SP1: variants seen among roughly 807,000 people sequenced by gnomAD.
The protein encoded by SP1 is transcription factor Sp1.
SP1 carries 6 observed loss-of-function variants against 66.3 expected under a neutral mutation model. The ratio of observed to expected loss-of-function variants is 0.09; its 90% CI spans 0.05 to 0.18. SP1 has a LOEUF of 0.18. Among genes scored for constraint, SP1 ranks in the 10% least tolerant of loss-of-function variants. The pLI is 1.00. For synonymous variants in SP1, 417 were observed against 360.8 expected, an observed-to-expected ratio of 1.16 and a Z score of -1.77; for missense variants, 848 against 964.5, an observed-to-expected ratio of 0.88 and a Z score of 1.60.
At chr12:53,396,441 G>A (rs561656200) in intron 3 of SP1, among the ~76,000 whole-genome samples, 1 of 150,976 alleles carries the variant, frequency 6.6e-6, no homozygotes, top group Non-Finnish European at 1.5e-5. Context: ...GGTGATGTGC[G>A]CCTGTAATCT....
rs1938136765 is a variant in SP1, at chr12:53,382,790, T to C, written c.843T>C (p.Ser281=). The C allele has an allele frequency of 6.2e-7, 1 of 1,614,158 alleles. No homozygotes were observed. Among genetic ancestry groups the C allele is most frequent in the East Asian group, 2.2e-5 (1 of 44,888 alleles). Residue 281 remains serine, a synonymous_variant, in exon 3 of 6, where the codon TCT becomes TCC. Transcript: ENST00000327443. The part of the protein sequence containing the change: ...SVSAATLTPS[S]QAVTISSSGS... ...CTGCAGCTACCTTGACTCCCAGCTC[T>C]CAGGCAGTCACGATCAGCAGCTCTG...
intron 3 of SP1, among the ~76,000 whole-genome samples, chr12:53,405,718 G>C (rs1938718736): frequency 6.6e-6 from 1 of 151,758 alleles, no homozygotes; most frequent in Non-Finnish European, 1.5e-5. Context: ...AAGGAGGGAG[G>C]GAGGGAAGGA....
chr12:53,387,700 A>G (rs1346715288), intron 3 of SP1, among the ~76,000 whole-genome samples: 1 of 152,114 alleles, frequency 6.6e-6, no homozygotes, highest in Non-Finnish European at 1.5e-5. Context: ...TTAAAAATGT[A>G]TTCGAGCCAG....
intron 3 of SP1, among the ~76,000 whole-genome samples, chr12:53,404,194 C>A (rs2136914161): frequency 6.7e-6 from 1 of 150,208 alleles, no homozygotes; most frequent in East Asian, 2.0e-4. Flanking sequence ...GGAAAGAAGT[C>A]TTGAGAAGAA....
Position 53,383,189 on chromosome 12 carries a change from C to T in SP1, c.1242C>T (p.Ala414=). 6.2e-7 allele frequency: 1 copy of T among 1,614,164 alleles called. No individual in the cohort carries two copies. The highest frequency in any genetic ancestry group is 8.5e-7 in the Non-Finnish European group (1 of 1,180,028). The stretch of plus-strand genomic sequence containing the variant: ...TTCAAGGGGGACAGGCCCTCCAGGC[C>T]CTCCAAGCAGCACCATTGTCAGGGC... ...QLVQGGQALQ[A]LQAAPLSGQT... The change falls in exon 3 of 6, where the codon GCC becomes GCT. Residue 414 remains alanine, a synonymous_variant. Transcript: ENST00000327443.
At chr12:53,399,419 C>T (rs560500704) in intron 3 of SP1, among the ~76,000 whole-genome samples, 23 of 151,988 alleles carry the variant, frequency 1.5e-4, no homozygotes, top group African/African-American at 3.1e-4. Flanking sequence ...CTGCAAGCTC[C>T]GCCTCGCGAG....
rs1322278838 is a variant in SP1 at position 53,414,551 on chromosome 12, A to G, written c.*3311A>G. ...TTGGAGACAAAAGCTGTAAATTACT[A>G]TGGCTGATTTATTTCTACTATATAC... On this transcript the variant is annotated 3_prime_UTR_variant, in exon 6 of 6. Coordinates refer to ENST00000327443, the MANE Select transcript of SP1 (RefSeq NM_138473.3). 6.6e-6 allele frequency: 1 copy of G among 152,604 alleles called. No homozygotes were observed. The highest frequency in any genetic ancestry group is 2.4e-5 in the African/African-American group (1 of 41,458). The allele number at this position is 152,604 out of a possible 1,614,324, so 9.5% of individuals were successfully genotyped here.
chr12:53,396,826 T>A (rs924989163), intron 3 of SP1, among the ~76,000 whole-genome samples: 2 of 152,008 alleles, frequency 1.3e-5, no homozygotes, highest in African/African-American at 4.8e-5. Flanking sequence ...TTTTTTAGAG[T>A]GTGAACATGG....
rs189544085 is a variant in SP1, at chr12:53,384,468, A to G, written c.1675+846A>G. The stretch of plus-strand genomic sequence containing the variant: ...CCCAGCTAATCTTTGTATTTTTAGT[A>G]GAGACAAGGTTTTGCTATGTTGGCC... On this transcript the variant is annotated intron_variant, in intron 3 of 5. Coordinates refer to ENST00000327443, the MANE Select transcript of SP1 (RefSeq NM_138473.3). 7.3e-5 allele frequency among the ~76,000 whole-genome samples: 11 copies of G among 151,336 alleles called. 1 individual carries two copies. The East Asian group carries it at 2.1e-3, about 29-fold the overall frequency.
Position 53,380,255 on chromosome 12 carries a change from G to C in SP1, c.-37G>C, listed in dbSNP as rs1429607558. The C allele has an allele frequency of 4.9e-6, 4 of 809,452 alleles. No individual in the cohort carries two copies. The highest frequency in any genetic ancestry group is 8.1e-6 in the Non-Finnish European group (4 of 496,514). The allele number at this position is 809,452 out of a possible 1,614,324, so 50.1% of individuals were successfully genotyped here. ...TTCCCGGCCCCCCCCAACCCCCCCG[G>C]ACAGGACCCCCTTGAGCTTGTCCCT... On this transcript the variant is annotated 5_prime_UTR_variant, in exon 1 of 6. Coordinates refer to ENST00000327443, the MANE Select transcript of SP1 (RefSeq NM_138473.3).
chr12:53,396,435 A>G (rs1938491904), intron 3 of SP1, among the ~76,000 whole-genome samples: 1 of 150,570 alleles, frequency 6.6e-6, no homozygotes, highest in Non-Finnish European at 1.5e-5. Context: ...GGGCATGGTG[A>G]TGTGCGCCTG....
intron 3 of SP1, among the ~76,000 whole-genome samples, chr12:53,387,811 G>A (rs949367179): frequency 9.2e-5 from 14 of 151,856 alleles, no homozygotes; most frequent in Admixed American, 6.6e-4. Flanking sequence ...TGGTGAAACC[G>A]CATCTCTACT....
At chr12:53,404,567 T>C (rs998997363) in intron 3 of SP1, among the ~76,000 whole-genome samples, 2 of 151,796 alleles carry the variant, frequency 1.3e-5, no homozygotes, top group African/African-American at 2.4e-5. Flanking sequence ...AAGAATATTA[T>C]CTGTCACTTT....
At chr12:53,405,167 C>CA in intron 3 of SP1, among the ~76,000 whole-genome samples, 1 of 151,828 alleles carries the variant, frequency 6.6e-6, no homozygotes, top group Non-Finnish European at 1.5e-5. Flanking sequence ...ATTTTATAGA[C>CA]AGAGTGTCCC....
rs915334875 is a variant in SP1, at chr12:53,382,352, G to A, written c.405G>A (p.Glu135=). 2 of 1,614,126 alleles carry A rather than the reference G, an allele frequency of 1.2e-6. No individual in the cohort carries two copies. The highest frequency in any genetic ancestry group is 2.7e-5 in the African/African-American group (2 of 74,944). ...GTACCAATGGCAGCAATGGCAGTGA[G>A]TCTTCCAAGAATCGCACAGTCTCTG... The part of the protein sequence containing the change: ...GSSTNGSNGS[E]SSKNRTVSGG... Residue 135 remains glutamate, a synonymous_variant, in exon 3 of 6, where the codon GAG becomes GAA. Coordinates refer to ENST00000327443, the MANE Select transcript of SP1 (RefSeq NM_138473.3).
At chr12:53,380,744 G>A (rs970647795) in intron 1 of SP1, 2 of 538,946 alleles carry the variant, frequency 3.7e-6, no homozygotes, top group Admixed American at 7.4e-4. Flanking sequence ...CTTCCCCCCC[G>A]CCCCCCACCG....
chr12:53,398,685 C>G (rs1031781292), intron 3 of SP1, among the ~76,000 whole-genome samples: 3 of 152,130 alleles, frequency 2.0e-5, no homozygotes, highest in African/African-American at 7.2e-5. Context: ...GCACAAAGGA[C>G]TGCTGATGCA....
intron 5 of SP1, among the ~76,000 whole-genome samples, chr12:53,409,763 A>G (rs1938835602): frequency 6.6e-6 from 1 of 152,062 alleles, no homozygotes; most frequent in African/African-American, 2.4e-5. Context: ...TAATCCCAGC[A>G]CTTTTGGAGG....
rs1369316140 is a variant in SP1 at position 53,406,589 on chromosome 12, T to C, written c.1680T>C (p.Asp560=). Residue 560 remains aspartate (D), a synonymous_variant, in exon 4 of 6, where the codon GAT becomes GAC. Transcript: ENST00000327443. Reference sequence around the variant, plus strand: ...CCTTTTCTCTCTTAATTTCAGGTGATCATGGAGCTCAGCTTGGTCTCCATG... The same window carrying C: ...CCTTTTCTCTCTTAATTTCAGGTGACCATGGAGCTCAGCTTGGTCTCCATG... The part of the protein sequence containing the change: ...LPLAIANAPG[D]HGAQLGLHGA... The C allele has an allele frequency of 1.2e-6, 2 of 1,613,648 alleles. No individual in the cohort carries two copies. The highest frequency in any genetic ancestry group is 1.7e-6 in the Non-Finnish European group (2 of 1,179,794).
Sources: allele counts gnomAD v4.1 joint callset (sites outside exome capture counted in the v4.1 genomes callset), GRCh38; gene constraint gnomAD v4.1.1; transcripts MANE v1.5; gene names NCBI Gene and HGNC (gene_info 2026-07-23, HGNC 2026-07-21).